Variants in WTIP observed in about 807,000 individuals in gnomAD.
The protein encoded by WTIP is Wilms tumor protein 1-interacting protein.
WTIP carries 23 observed loss-of-function variants against 41.7 expected under a neutral mutation model. The observed-to-expected ratio is 0.55, with a 90% CI of 0.40 to 0.78. WTIP has a LOEUF of 0.78. Ranked by LOEUF, WTIP falls within the 30% of genes least tolerant of loss-of-function variation. WTIP has a pLI of 0.00. For missense variants in WTIP, 619 were observed against 610.5 expected (o/e 1.01, Z -0.15); for synonymous variants, 314 against 269.9 (o/e 1.16, Z -1.60).
In WTIP at chr19:34,500,319, G is replaced by C; in HGVS notation, c.*50G>C. The C allele has an allele frequency of 6.6e-7, 1 of 1,504,218 alleles. No individual in the cohort carries two copies. Among genetic ancestry groups the C allele is most frequent in the South Asian group, 1.3e-5 (1 of 75,976 alleles). 93.2% of individuals were successfully genotyped at this position (1,504,218 alleles called of 1,614,324 possible). A position where few individuals can be genotyped will look rare whatever the true frequency, so the allele number is the denominator to read the frequency against. On this transcript the variant is annotated 3_prime_UTR_variant, in exon 8 of 8. Coordinates refer to ENST00000590071, the MANE Select transcript of WTIP (RefSeq NM_001080436.2). ...CGGGGTGGGTGTGGGTGTGGAGGGA[G>C]GGCCCGCGTGGGTGGCCCTGGTCAG...
In WTIP at chr19:34,504,874, G is replaced by A. The variant is rs956236657; in HGVS notation, c.*4605G>A. The A allele has an allele frequency of 2.6e-5, 4 of 152,350 alleles. No individual in the cohort carries two copies. The highest frequency in any genetic ancestry group is 4.4e-5 in the Non-Finnish European group (3 of 68,162). The allele number at this position is 152,350 out of a possible 1,614,324, so 9.4% of individuals were successfully genotyped here. ...GGCCAGGAGGCCAGCAAGGACTTCC[G>A]GTGCCACACTCGGGAGGGGTGAGGG... On this transcript the variant is annotated 3_prime_UTR_variant, in exon 8 of 8. Transcript: ENST00000590071.
intron 1 of WTIP, among the ~76,000 whole-genome samples, chr19:34,483,407 G>A (rs969104350): frequency 2.0e-5 from 3 of 152,034 alleles, no homozygotes; most frequent in Admixed American, 6.6e-5. Context: ...GTGCTTCCCC[G>A]TCTGCCCCGC....
rs1317248874 is a variant in WTIP at position 34,505,164 on chromosome 19, C to T, written c.*4895C>T. The T allele has an allele frequency of 4.6e-5, 7 of 152,328 alleles. No homozygotes were observed. Among genetic ancestry groups the T allele is most frequent in the Non-Finnish European group, 1.0e-4 (7 of 68,210 alleles). The allele number at this position is 152,328 out of a possible 1,614,324, so 9.4% of individuals were successfully genotyped here. A position where few individuals can be genotyped will look rare whatever the true frequency, so the allele number is the denominator to read the frequency against. On this transcript the variant is annotated 3_prime_UTR_variant, in exon 8 of 8. Transcript: ENST00000590071. ...CTGGGAGCCAGCCTGGGTGGGGGCT[C>T]AGAGGTGGGAGGGGCCCTGAGGCCT...
At position 34,481,900 on chromosome 19, in the gene WTIP, C is replaced by G. The variant is rs1478135456; in HGVS notation, c.-75C>G. ...GGGCGGGCTCCGGGCTTCGGGCGGA[C>G]GATGCGGCGGCCCGGCCGGAGCGGC... On this transcript the variant is annotated 5_prime_UTR_variant, in exon 1 of 8. Transcript: ENST00000590071. 5.5e-6 allele frequency: 5 copies of G among 904,884 alleles called. No homozygotes were observed. Among genetic ancestry groups the G allele is most frequent in the African/African-American group, 1.8e-5 (1 of 55,372 alleles). The allele number at this position is 904,884 out of a possible 1,614,324, so 56.1% of individuals were successfully genotyped here.
rs2145615395 is a variant in WTIP, at chr19:34,503,462, C to T, written c.*3193C>T. On this transcript the variant is annotated 3_prime_UTR_variant, in exon 8 of 8. Transcript: ENST00000590071. ...ATCTCCATTTCATGCCCAGGGGTGA[C>T]ACTGACCCCATGATTATAGAGATGG... 1 of 152,452 alleles carries T rather than the reference C, an allele frequency of 6.6e-6. No homozygotes were observed. Among genetic ancestry groups the T allele is most frequent in the East Asian group, 1.9e-4 (1 of 5,190 alleles). 9.4% of individuals were successfully genotyped at this position (152,452 alleles called of 1,614,324 possible). A position where few individuals can be genotyped will look rare whatever the true frequency, so the allele number is the denominator to read the frequency against.
chr19:34,481,939 G>A lies in WTIP; in HGVS notation c.-36G>A. The A allele has an allele frequency of 1.0e-6, 1 of 990,930 alleles. No individual in the cohort carries two copies. Among genetic ancestry groups the A allele is most frequent in the South Asian group, 4.5e-5 (1 of 22,108 alleles). 61.4% of individuals were successfully genotyped at this position (990,930 alleles called of 1,614,324 possible). ...GGCCGGAGCGGCGGCGGGAAGCGGA[G>A]GCGGAGGTGACGCGCCAGGGCCGGC... is the stretch of plus-strand genomic sequence containing the variant. On this transcript the variant is annotated 5_prime_UTR_variant, in exon 1 of 8. Coordinates refer to ENST00000590071, the MANE Select transcript of WTIP (RefSeq NM_001080436.2).
intron 6 of WTIP, among the ~76,000 whole-genome samples, 180 bp downstream of exon 6, chr19:34,494,817 C>G (rs1178305460): frequency 1.3e-5 from 2 of 152,218 alleles, no homozygotes; most frequent in African/African-American, 4.8e-5. Flanking sequence ...CAGCTGTCCC[C>G]TGGCACAAGG....
At chr19:34,495,118 G>A (rs558960656) in intron 6 of WTIP, among the ~76,000 whole-genome samples, 21 of 152,324 alleles carry the variant, frequency 1.4e-4, no homozygotes, top group African/African-American at 3.8e-4. Flanking sequence ...AAAACAGGCC[G>A]GGCACAGGGG....
intron 2 of WTIP, among the ~76,000 whole-genome samples, chr19:34,490,828 G>T (rs2075821973): frequency 6.6e-6 from 1 of 152,080 alleles, no homozygotes; most frequent in African/African-American, 2.4e-5. Context: ...ATCTATTTTT[G>T]TTGTTGTTGT....
chr19:34,495,790 G>C lies in WTIP; in HGVS notation c.1152+19G>C. On this transcript the variant is annotated intron_variant, in intron 7 of 7. Coordinates refer to ENST00000590071, the MANE Select transcript of WTIP (RefSeq NM_001080436.2). ...CTGTGAGGTGAGCCTGGGCCCACAGGAGGCTGGCAGCTGGGGCAGGCCTCC... is the reference window on the plus strand; with the variant it reads ...CTGTGAGGTGAGCCTGGGCCCACAGCAGGCTGGCAGCTGGGGCAGGCCTCC... The C allele has an allele frequency of 1.2e-6, 2 of 1,612,760 alleles. No individual in the cohort carries two copies. The highest frequency in any genetic ancestry group is 1.7e-6 in the Non-Finnish European group (2 of 1,179,604).
rs777496196 is a variant in WTIP, at chr19:34,493,639, G to A, written c.1031+17G>A. 13 of 1,612,814 alleles carry A rather than the reference G, an allele frequency of 8.1e-6. No individual in the cohort carries two copies. In the African/African-American group the frequency reaches 1.3e-4, roughly 17 times the overall value. ...CTATCACACGTGAGTTGCTGGTGCT[G>A]TGGAGCAGGCGGGACTCGGGCCGTC... On this transcript the variant is annotated intron_variant, in intron 5 of 7. Transcript: ENST00000590071. The surrounding 1 kb of genome is among the most constrained non-coding windows in gnomAD (Gnocchi z 4.1).
intron 7 of WTIP, among the ~76,000 whole-genome samples, chr19:34,498,034 TGTGCAGCGGTC>T (rs927540399): frequency 3.3e-5 from 5 of 152,026 alleles, no homozygotes; most frequent in African/African-American, 9.7e-5. Context: ...CCTGGCCTGG[TGTGCAGCGGTC>T]GGTAGCAGGG....
In WTIP at chr19:34,510,775, T is replaced by C. The variant is rs1364567830; in HGVS notation, c.*10506T>C. Reference sequence around the variant, plus strand: ...TCTGCCAGATACCCTAAATTATCTCTCTCAAGTTCAAAGTTCCACAAATCT... The same window carrying C: ...TCTGCCAGATACCCTAAATTATCTCCCTCAAGTTCAAAGTTCCACAAATCT... On this transcript the variant is annotated 3_prime_UTR_variant, in exon 8 of 8. Transcript: ENST00000590071. The C allele has an allele frequency of 6.6e-6, 1 of 152,226 alleles. No individual in the cohort carries two copies. The highest frequency in any genetic ancestry group is 2.4e-5 in the African/African-American group (1 of 41,448). The allele number at this position is 152,226 out of a possible 1,614,324, so 9.4% of individuals were successfully genotyped here.
Position 34,481,917 on chromosome 19 carries a change from C to T in WTIP, c.-58C>T, listed in dbSNP as rs1467411846. 2.0e-5 allele frequency: 19 copies of T among 959,604 alleles called. No individual in the cohort carries two copies. The South Asian group carries it at 8.4e-4, about 42-fold the overall frequency. The allele number at this position is 959,604 out of a possible 1,614,324, so 59.4% of individuals were successfully genotyped here. On this transcript the variant is annotated 5_prime_UTR_variant, in exon 1 of 8. Transcript: ENST00000590071. ...CGGGCGGACGATGCGGCGGCCCGGC[C>T]GGAGCGGCGGCGGGAAGCGGAGGCG... is the stretch of plus-strand genomic sequence containing the variant.
At chr19:34,495,985 C>T (rs920793685) in intron 7 of WTIP, among the ~76,000 whole-genome samples, 5 of 151,962 alleles carry the variant, frequency 3.3e-5, no homozygotes, top group Admixed American at 1.3e-4. Context: ...GGTGAAACCC[C>T]GTCTCTACTA....
At chr19:34,488,897 T>TC (rs2075811178) in intron 1 of WTIP, among the ~76,000 whole-genome samples, 1 of 46,576 alleles carries the variant, frequency 2.1e-5, no homozygotes, top group Non-Finnish European at 4.1e-5. Flanking sequence ...AGCGAGACTC[T>TC]CCTAAAAAAA....
At chr19:34,488,031 T>C (rs2075806344) in intron 1 of WTIP, among the ~76,000 whole-genome samples, 1 of 152,026 alleles carries the variant, frequency 6.6e-6, no homozygotes, top group African/African-American at 2.4e-5. Flanking sequence ...CATCCACTGA[T>C]CATAGGCACC....
intron 1 of WTIP, among the ~76,000 whole-genome samples, chr19:34,488,784 A>T (rs11667080): frequency 0.92 from 140,362 of 151,856 alleles, 64,995 homozygotes; most frequent in African/African-American, 0.95. Context: ...CTGCCTGTGG[A>T]CCCAGCTTCT....
chr19:34,510,304 C>A lies in WTIP; in HGVS notation c.*10035C>A, dbSNP rs1392523055. 6.6e-6 allele frequency: 1 copy of A among 152,210 alleles called. No homozygotes were observed. The highest frequency in any genetic ancestry group is 1.5e-5 in the Non-Finnish European group (1 of 68,042). The allele number at this position is 152,210 out of a possible 1,614,324, so 9.4% of individuals were successfully genotyped here. On this transcript the variant is annotated 3_prime_UTR_variant, in exon 8 of 8. Coordinates refer to ENST00000590071, the MANE Select transcript of WTIP (RefSeq NM_001080436.2). ...AACCTCAATTCTTGACTTCTGTACA[C>A]CCGCAGGCTCAACACCACATGGTAG...
Sources: allele counts gnomAD v4.1 joint callset (sites outside exome capture counted in the v4.1 genomes callset), GRCh38; gene constraint gnomAD v4.1.1; non-coding constraint Gnocchi (gnomAD v3.1); transcripts MANE v1.5; gene names NCBI Gene and HGNC (gene_info 2026-07-23, HGNC 2026-07-21).